The following TNFRSF8 variants were observed in gnomAD, a reference collection of about 807,000 sequenced individuals.
TNFRSF8 encodes tumor necrosis factor receptor superfamily member 8.
Under a neutral mutation model 70.8 loss-of-function variants are expected in TNFRSF8, and 26 were observed. The observed-to-expected ratio is 0.37, with a 90% CI of 0.27 to 0.51. TNFRSF8 has a LOEUF of 0.51. TNFRSF8 is among the 20% of genes least tolerant of loss of function. The pLI is 0.94. For synonymous variants in TNFRSF8, 356 were observed against 339.2 expected, an observed-to-expected ratio of 1.05 and a Z score of -0.54; for missense variants, 720 against 807.9, an observed-to-expected ratio of 0.89 and a Z score of 1.32.
chr1:12,088,883 C>A lies in TNFRSF8; in HGVS notation c.151+4332C>A, dbSNP rs1197307283. Among the ~76,000 whole-genome samples, 2 of 152,320 alleles carry A rather than the reference C, an allele frequency of 1.3e-5. No individual in the cohort carries two copies. Among genetic ancestry groups the A allele is most frequent in the East Asian group, 3.9e-4 (2 of 5,184 alleles). On this transcript the variant is annotated intron_variant, in intron 2 of 14. Coordinates refer to ENST00000263932, the MANE Select transcript of TNFRSF8 (RefSeq NM_001243.5). The surrounding 1 kb of genome is among the most constrained non-coding windows in gnomAD (Gnocchi z 4.0). ...CAGCTGCTGCCCCTGCCGCCTCCCC[C>A]TCCCCCGCCCAGTCCCTCTTCATCC...
intron 2 of TNFRSF8, 46 bp downstream of exon 2, chr1:12,084,597 T>C: frequency 1.3e-6 from 2 of 1,546,726 alleles, no homozygotes; most frequent in Non-Finnish European, 1.8e-6. Context: ...AAATTTGTCC[T>C]CAATTGATGA....
At chr1:12,084,685 A>G in intron 2 of TNFRSF8, 134 bp downstream of exon 2, 1 of 834,814 alleles carries the variant, frequency 1.2e-6, no homozygotes, top group East Asian at 2.7e-5. Context: ...TCTGCAGGTC[A>G]TTCCTAGTGT....
intron 1 of TNFRSF8, among the ~76,000 whole-genome samples, chr1:12,077,489 C>T (rs1640986734): frequency 6.6e-6 from 1 of 152,170 alleles, no homozygotes; most frequent in South Asian, 2.1e-4. Context: ...AGGGAACAGC[C>T]CTTAGTTGGC....
intron 14 of TNFRSF8, among the ~76,000 whole-genome samples, chr1:12,140,832 ATCT>A (rs1363537654): frequency 1.6e-5 from 2 of 128,680 alleles, no homozygotes; most frequent in African/African-American, 6.0e-5. Context: ...CCCGCCTCTC[ATCT>A]TCTCTGCCCA....
chr1:12,115,602 T>C lies in TNFRSF8; in HGVS notation c.819T>C (p.Cys273=). 1 of 1,614,232 alleles carries C rather than the reference T, an allele frequency of 6.2e-7. No homozygotes were observed. The highest frequency in any genetic ancestry group is 8.5e-7 in the Non-Finnish European group (1 of 1,180,048). ...ATGACCTTGTGGAGAAGACGCCATG[T>C]GCATGGAACTCCTCCCGCACCTGCG... ...SRDDLVEKTP[C]AWNSSRTCEC... Residue 273 remains cysteine, a synonymous_variant, in exon 8 of 15, where the codon TGT becomes TGC. Coordinates refer to ENST00000263932, the MANE Select transcript of TNFRSF8 (RefSeq NM_001243.5).
chr1:12,077,631 G>T (rs1640988945), intron 1 of TNFRSF8, among the ~76,000 whole-genome samples: 1 of 152,184 alleles, frequency 6.6e-6, no homozygotes, highest in South Asian at 2.1e-4. Flanking sequence ...CTGGATGGGG[G>T]TGATCAGAGA....
chr1:12,104,138 G>A (rs1641473602), intron 3 of TNFRSF8, among the ~76,000 whole-genome samples: 1 of 152,108 alleles, frequency 6.6e-6, no homozygotes, highest in African/African-American at 2.4e-5. Flanking sequence ...TCAGACTGGT[G>A]TCTTTCATTT....
chr1:12,114,748 G>C (rs12043469), intron 7 of TNFRSF8, among the ~76,000 whole-genome samples: 1 of 111,336 alleles, frequency 9.0e-6, no homozygotes, highest in African/African-American at 3.5e-5. Context: ...TTGTTCTGTC[G>C]CCCAGGCTGG....
chr1:12,125,909 G>C lies in TNFRSF8; in HGVS notation c.1154-42G>C, dbSNP rs752544071. On this transcript the variant is annotated intron_variant, in intron 10 of 14. Coordinates refer to ENST00000263932, the MANE Select transcript of TNFRSF8 (RefSeq NM_001243.5). ...TCTGGGGCTGGGGCTGTCTTGTGTG[G>C]TTGCAGCAAGGCAAAGAGTGTGGGG... The C allele has an allele frequency of 4.5e-6, 7 of 1,542,428 alleles. No individual in the cohort carries two copies. The Admixed American group carries it at 6.7e-5, about 15-fold the overall frequency.
intron 1 of TNFRSF8, among the ~76,000 whole-genome samples, chr1:12,069,173 T>C (rs1217897498): frequency 3.2e-4 from 10 of 31,642 alleles, no homozygotes; most frequent in Middle Eastern, 0.013. Flanking sequence ...ACCCGGCCTT[T>C]TTTTTTTTTT....
intron 2 of TNFRSF8, 49 bp downstream of exon 2, chr1:12,084,600 A>G: frequency 6.5e-7 from 1 of 1,535,068 alleles, no homozygotes; most frequent in Non-Finnish European, 9.0e-7. Flanking sequence ...TTTGTCCTCA[A>G]TTGATGACCC....
chr1:12,099,375 C>T (rs147520980), intron 3 of TNFRSF8, among the ~76,000 whole-genome samples: 111 of 152,204 alleles, frequency 7.3e-4, no homozygotes, highest in Non-Finnish European at 1.4e-3. Context: ...AAACTCCTGA[C>T]CTCAAGTGAT....
At position 12,141,544 on chromosome 1, in the gene TNFRSF8, G is replaced by T. The variant is rs1403387390; in HGVS notation, c.1544-743G>T. 3.3e-5 allele frequency among the ~76,000 whole-genome samples: 5 copies of T among 152,230 alleles called. No individual in the cohort carries two copies. In the East Asian group the frequency reaches 9.6e-4, roughly 29 times the overall value. Reference sequence around the variant, plus strand: ...GTGAGCAGTAAGCCCCGAAATTCACGGCCTGAGCCAGGCTGTCTCAATCAT... The same window carrying T: ...GTGAGCAGTAAGCCCCGAAATTCACTGCCTGAGCCAGGCTGTCTCAATCAT... On this transcript the variant is annotated intron_variant, in intron 14 of 14. Transcript: ENST00000263932. The surrounding 1 kb of genome is among the most constrained non-coding windows in gnomAD (Gnocchi z 5.4).
chr1:12,128,351 G>A (rs1641979822), intron 12 of TNFRSF8, among the ~76,000 whole-genome samples: 1 of 152,224 alleles, frequency 6.6e-6, no homozygotes, highest in Non-Finnish European at 1.5e-5. Context: ...GTTCCTTTGA[G>A]CAGTGAGCAC....
At chr1:12,102,554 C>T (rs1280676342) in intron 3 of TNFRSF8, among the ~76,000 whole-genome samples, 3 of 152,174 alleles carry the variant, frequency 2.0e-5, no homozygotes, top group Non-Finnish European at 4.4e-5. Context: ...GAGACGGAGT[C>T]TCGCTCTTTT....
At chr1:12,092,488 C>G (rs1641262317) in intron 2 of TNFRSF8, among the ~76,000 whole-genome samples, 1 of 149,524 alleles carries the variant, frequency 6.7e-6, no homozygotes, top group Non-Finnish European at 1.5e-5. Context: ...CAATTTTCCC[C>G]TTTTCTTTTA....
In TNFRSF8 at chr1:12,142,798, G is replaced by A; in HGVS notation, c.*267G>A. 1 of 446,292 alleles carries A rather than the reference G, an allele frequency of 2.2e-6. No individual in the cohort carries two copies. The highest frequency in any genetic ancestry group is 5.9e-4 in the Middle Eastern group (1 of 1,700). The allele number at this position is 446,292 out of a possible 1,614,324, so 27.6% of individuals were successfully genotyped here. ...GGACTGGATCCCAGCAGTGATGTTG[G>A]TTGAGGCAGCAAACAGATGGCAGGA... On this transcript the variant is annotated 3_prime_UTR_variant, in exon 15 of 15. Transcript: ENST00000263932. The surrounding 1 kb of genome is among the most constrained non-coding windows in gnomAD (Gnocchi z 5.0).
intron 1 of TNFRSF8, among the ~76,000 whole-genome samples, chr1:12,076,108 T>TC (rs1446255239): frequency 4.5e-5 from 4 of 88,510 alleles, no homozygotes; most frequent in Non-Finnish European, 5.8e-5. Context: ...TTTTTCTTTT[T>TC]TTTTTTTTTG....
At chr1:12,130,137 G>A (rs1642021454) in intron 12 of TNFRSF8, among the ~76,000 whole-genome samples, 2 of 152,250 alleles carry the variant, frequency 1.3e-5, no homozygotes, top group African/African-American at 4.8e-5. Flanking sequence ...CGAACTCCTG[G>A]CCTCAAGTGG....
Sources: gnomAD v4.1 joint callset for allele counts (sites outside exome capture counted in the v4.1 genomes callset) on GRCh38, gnomAD v4.1.1 for gene constraint, Gnocchi (gnomAD v3.1) non-coding constraint, MANE v1.5 for transcripts, NCBI Gene and HGNC (gene_info 2026-07-23, HGNC 2026-07-21) for gene names.